The following PTGFR variants were observed in gnomAD, a reference collection of about 807,000 sequenced individuals.
The protein encoded by PTGFR is prostaglandin F2-alpha receptor.
A neutral mutation model predicts 26.2 loss-of-function variants in PTGFR; 15 were observed. The ratio of observed to expected loss-of-function variants is 0.57; its 90% CI spans 0.38 to 0.88. PTGFR has a LOEUF of 0.88. PTGFR is among the 40% of genes least tolerant of loss of function. The pLI is 0.00. For synonymous variants in PTGFR, 165 were observed against 151.1 expected (o/e 1.09, Z -0.68); for missense variants, 369 against 427.2 (o/e 0.86, Z 1.20).
chr1:78,503,066 C>A (rs1446674227), intron 2 of PTGFR, among the ~76,000 whole-genome samples: 2 of 151,902 alleles, frequency 1.3e-5, no homozygotes, highest in Non-Finnish European at 2.9e-5. Flanking sequence ...CTGTAAGAAC[C>A]AATGAGAAAA....
At chr1:78,501,401 G>T (rs1378762268) in intron 2 of PTGFR, among the ~76,000 whole-genome samples, 1 of 152,160 alleles carries the variant, frequency 6.6e-6, no homozygotes, top group South Asian at 2.1e-4. Context: ...CATCCAACAG[G>T]ATAAGTTTGT....
intron 2 of PTGFR, among the ~76,000 whole-genome samples, chr1:78,509,113 C>T (rs955915814): frequency 2.0e-5 from 3 of 152,148 alleles, no homozygotes; most frequent in African/African-American, 2.4e-5. Flanking sequence ...TTAATGTGGA[C>T]AGTAACTTTA....
chr1:78,499,899 C>T (rs893651679), intron 2 of PTGFR, among the ~76,000 whole-genome samples: 20 of 152,084 alleles, frequency 1.3e-4, no homozygotes, highest in Non-Finnish European at 1.5e-5. Flanking sequence ...ATATAATGAG[C>T]CATTAATCGA....
At chr1:78,523,609 A>G (rs1650298978) in intron 2 of PTGFR, among the ~76,000 whole-genome samples, 1 of 152,114 alleles carries the variant, frequency 6.6e-6, no homozygotes, top group Non-Finnish European at 1.5e-5. Flanking sequence ...TAGGATCTAC[A>G]CGTAGCTCTC....
chr1:78,498,463 G>A (rs940468752), intron 2 of PTGFR, among the ~76,000 whole-genome samples: 1 of 151,552 alleles, frequency 6.6e-6, no homozygotes, highest in African/African-American at 2.4e-5. Context: ...GTGTAGATGT[G>A]TACATACATA....
At chr1:78,527,794 T>G (rs191600767) in intron 2 of PTGFR, among the ~76,000 whole-genome samples, 122 of 152,280 alleles carry the variant, frequency 8.0e-4, no homozygotes, top group African/African-American at 2.6e-3. Flanking sequence ...GTTTGTGACC[T>G]CCATGGATCC....
intron 2 of PTGFR, among the ~76,000 whole-genome samples, chr1:78,536,070 C>A (rs1250959037): frequency 1.3e-5 from 2 of 152,088 alleles, no homozygotes. Context: ...TGAAATAAAA[C>A]AAATGTGTGT....
chr1:78,499,147 T>C (rs572688368), intron 2 of PTGFR, among the ~76,000 whole-genome samples: 38 of 152,300 alleles, frequency 2.5e-4, no homozygotes, highest in African/African-American at 8.7e-4. Flanking sequence ...TTCCTGTCCC[T>C]GAGCCTTGGT....
At chr1:78,535,864 G>C (rs1211115465) in intron 2 of PTGFR, among the ~76,000 whole-genome samples, 2 of 152,124 alleles carry the variant, frequency 1.3e-5, no homozygotes, top group Admixed American at 1.3e-4. Flanking sequence ...TTTTAGCCAA[G>C]TTAAGGCTAA....
intron 2 of PTGFR, among the ~76,000 whole-genome samples, chr1:78,508,719 T>C (rs548018208): frequency 6.6e-6 from 1 of 152,226 alleles, no homozygotes; most frequent in South Asian, 2.1e-4. Flanking sequence ...GAATGCAAAA[T>C]GTAAAGGTAA....
At chr1:78,508,097 A>T in intron 2 of PTGFR, among the ~76,000 whole-genome samples, 1 of 150,386 alleles carries the variant, frequency 6.6e-6, no homozygotes, top group East Asian at 2.0e-4. Context: ...TACTTTTTTA[A>T]CCTGATTTTT....
intron 2 of PTGFR, among the ~76,000 whole-genome samples, chr1:78,508,152 C>T (rs1332467020): frequency 4.6e-5 from 7 of 151,808 alleles, no homozygotes; most frequent in African/African-American, 1.5e-4. Flanking sequence ...TCTGTTTGTG[C>T]TTCTGGCTAC....
chr1:78,501,118 G>T (rs1199635668), intron 2 of PTGFR, among the ~76,000 whole-genome samples: 2 of 151,936 alleles, frequency 1.3e-5, no homozygotes, highest in African/African-American at 2.4e-5. Flanking sequence ...AGAAACATGT[G>T]TATTAAATTT....
At chr1:78,506,157 C>T (rs373334194) in intron 2 of PTGFR, among the ~76,000 whole-genome samples, 15 of 152,216 alleles carry the variant, frequency 9.9e-5, no homozygotes, top group East Asian at 1.9e-4. Flanking sequence ...CAGCAACGTG[C>T]GAGTGTCCCA....
Position 78,531,905 on chromosome 1 carries a change from A to G in PTGFR, c.799-4501A>G, listed in dbSNP as rs200621625. The stretch of plus-strand genomic sequence containing the variant: ...TATACTGACATTATCTCATTTCAAT[A>G]TGTTCTACATATTATACTGATATTA... On this transcript the variant is annotated intron_variant, in intron 2 of 2. Coordinates refer to ENST00000370757, the MANE Select transcript of PTGFR (RefSeq NM_000959.4). Among the ~76,000 whole-genome samples the G allele has an allele frequency of 3.3e-5, 5 of 152,098 alleles. No individual in the cohort carries two copies. In the East Asian group the frequency reaches 9.7e-4, roughly 29 times the overall value.
intron 1 of PTGFR, among the ~76,000 whole-genome samples, chr1:78,492,354 C>T (rs1211862807): frequency 6.6e-6 from 1 of 152,056 alleles, no homozygotes; most frequent in Non-Finnish European, 1.5e-5. Context: ...TAAATCTAAT[C>T]TTGGTAGCGA....
rs1346061015 is a variant in PTGFR at position 78,539,761 on chromosome 1, A to G, written c.*3074A>G. Reference sequence around the variant, plus strand: ...GTTGGACTAATGTTTTTCAAGAGTGATTATTTTTAGAAGGACCATATAAAA... The same window carrying G: ...GTTGGACTAATGTTTTTCAAGAGTGGTTATTTTTAGAAGGACCATATAAAA... On this transcript the variant is annotated 3_prime_UTR_variant, in exon 3 of 3. Coordinates refer to ENST00000370757, the MANE Select transcript of PTGFR (RefSeq NM_000959.4). The G allele has an allele frequency of 6.6e-6, 1 of 152,540 alleles. No individual in the cohort carries two copies. The highest frequency in any genetic ancestry group is 6.6e-5 in the Admixed American group (1 of 15,226). 9.4% of individuals were successfully genotyped at this position (152,540 alleles called of 1,614,324 possible). A position where few individuals can be genotyped will look rare whatever the true frequency, so the allele number is the denominator to read the frequency against.
At chr1:78,536,292 A>T in intron 2 of PTGFR, 114 bp from the exon 3 acceptor site, 2 of 994,854 alleles carry the variant, frequency 2.0e-6, no homozygotes, top group East Asian at 5.0e-5. Context: ...ATTTTAAACA[A>T]TAGCATCACT....
rs754003766 is a variant in PTGFR at position 78,497,826 on chromosome 1, A to T, written c.798+4285A>T. On this transcript the variant is annotated intron_variant, in intron 2 of 2. Coordinates refer to ENST00000370757, the MANE Select transcript of PTGFR (RefSeq NM_000959.4). The stretch of plus-strand genomic sequence containing the variant: ...TAGACTTAGGACGCTATTAAACTTC[A>T]GCTGTCTTTTACTGGAAGGCCATAT... 48 of 1,280,248 alleles carry T rather than the reference A, an allele frequency of 3.7e-5. No individual in the cohort carries two copies. In the African/African-American group the frequency reaches 6.6e-4, roughly 18 times the overall value. The allele number at this position is 1,280,248 out of a possible 1,614,324, so 79.3% of individuals were successfully genotyped here. A position where few individuals can be genotyped will look rare whatever the true frequency, so the allele number is the denominator to read the frequency against.
Sources: allele counts gnomAD v4.1 joint callset (sites outside exome capture counted in the v4.1 genomes callset), GRCh38; gene constraint gnomAD v4.1.1; transcripts MANE v1.5; gene names NCBI Gene and HGNC (gene_info 2026-07-23, HGNC 2026-07-21).